Variants in CPEB2 observed in about 807,000 individuals in gnomAD.
CPEB2 encodes cytoplasmic polyadenylation element-binding protein 2.
A neutral mutation model predicts 93.6 loss-of-function variants in CPEB2; 56 were observed. The ratio of observed to expected loss-of-function variants is 0.60; its 90% CI spans 0.48 to 0.75. The LOEUF (loss-of-function observed/expected upper bound fraction) is 0.75, where lower values mean the gene tolerates loss of function less well. CPEB2 is among the 30% of genes least tolerant of loss of function. The pLI, the probability that CPEB2 is intolerant of heterozygous loss-of-function variation, is 0.00. For missense variants in CPEB2, 1,579 were observed against 1,395.1 expected (o/e 1.13, Z -2.10); for synonymous variants, 764 against 586.3 (o/e 1.30, Z -4.38).
At position 15,004,310 on chromosome 4, in the gene CPEB2, A is replaced by C. The variant is rs1234924024; in HGVS notation, c.1637A>C (p.Gln546Pro). The C allele has an allele frequency of 1.3e-6, 2 of 1,487,712 alleles. No homozygotes were observed. Among genetic ancestry groups the C allele is most frequent in the East Asian group, 5.7e-5 (2 of 35,100 alleles). The allele number at this position is 1,487,712 out of a possible 1,614,324, so 92.2% of individuals were successfully genotyped here. A position where few individuals can be genotyped will look rare whatever the true frequency, so the allele number is the denominator to read the frequency against. The change falls in exon 1 of 12, where the codon CAG becomes CCG. Residue 546 changes from glutamine to proline, a missense_variant. Gln to Pro is a moderately conservative substitution (Grantham distance 76). This residue lies in a region of CPEB2 where 1,411 missense variants were observed against 1,056.0 expected (regional missense o/e 1.34). Transcript: ENST00000538197. Reference protein sequence around the residue: ...HQAAAAAFLQQRNSYNHHQPL... With the variant: ...HQAAAAAFLQPRNSYNHHQPL... The stretch of plus-strand genomic sequence containing the variant: ...GCGGCGGCCGCCGCCTTCCTGCAGC[A>C]GAGGAACTCCTATAACCACCACCAG...
At chr4:15,055,626 C>T (rs1048056971) in intron 8 of CPEB2, among the ~76,000 whole-genome samples, 3 of 152,184 alleles carry the variant, frequency 2.0e-5, no homozygotes, top group Non-Finnish European at 4.4e-5. Flanking sequence ...TCACAGCAGT[C>T]TTTGAAAACT....
chr4:15,002,782 A>T lies in CPEB2; in HGVS notation c.109A>T (p.Asn37Tyr). 1 of 1,535,410 alleles carries T rather than the reference A, an allele frequency of 6.5e-7. No homozygotes were observed. The highest frequency in any genetic ancestry group is 8.7e-7 in the Non-Finnish European group (1 of 1,146,642). The change falls in exon 1 of 12, where the codon AAC becomes TAC. Residue 37 changes from asparagine to tyrosine, a missense_variant. Coordinates refer to ENST00000538197, the MANE Select transcript of CPEB2 (RefSeq NM_001177382.2). ...TGGTCCTTACGCCGTGGGGTCCGTC[A>T]ACCCGCTGCCCTCCGCCACGCCCTT... ...AYGPYAVGSV[N>Y]PLPSATPFGP...
chr4:15,035,783 T>C (rs1020109309), intron 5 of CPEB2, among the ~76,000 whole-genome samples: 2 of 152,176 alleles, frequency 1.3e-5, no homozygotes, highest in Admixed American at 1.3e-4. Context: ...GTGATGCTGT[T>C]GCTCCTTGGA....
At chr4:15,012,424 T>A (rs1577371172) in intron 3 of CPEB2, among the ~76,000 whole-genome samples, 1 of 152,214 alleles carries the variant, frequency 6.6e-6, no homozygotes, top group East Asian at 1.9e-4. Flanking sequence ...AAATGTATCT[T>A]CATTCATTCT....
At chr4:15,020,490 C>T (rs1430943558) in intron 4 of CPEB2, among the ~76,000 whole-genome samples, 1 of 152,138 alleles carries the variant, frequency 6.6e-6, no homozygotes, top group African/African-American at 2.4e-5. Flanking sequence ...GAAGCACCTT[C>T]CCTCTTATCC....
At chr4:15,049,274 C>A (rs1349676552) in intron 6 of CPEB2, among the ~76,000 whole-genome samples, 1 of 150,890 alleles carries the variant, frequency 6.6e-6, no homozygotes, top group Non-Finnish European at 1.5e-5. Context: ...TAATATAGAC[C>A]CTAAGTATTT....
chr4:15,017,201 T>G lies in CPEB2; in HGVS notation c.2048T>G (p.Met683Arg). 2 of 1,585,154 alleles carry G rather than the reference T, an allele frequency of 1.3e-6. No homozygotes were observed. The highest frequency in any genetic ancestry group is 1.7e-6 in the Non-Finnish European group (2 of 1,155,654). ...TSRIDQDRSRMYDSLNMHSLE... is the reference protein window; with the variant it reads ...TSRIDQDRSRRYDSLNMHSLE... Reference sequence around the variant, plus strand: ...CTTCTCTTCCAGGATCGAAGTAGAATGTATGACAGTTTGAATATGCACTCT... The same window carrying G: ...CTTCTCTTCCAGGATCGAAGTAGAAGGTATGACAGTTTGAATATGCACTCT... Residue 683 changes from methionine (M) to arginine (R), a missense_variant, in exon 4 of 12, where the codon ATG becomes AGG. By Grantham distance (91) the Met-to-Arg change is moderately conservative. Around this residue, in one of 2 missense-constraint regions of CPEB2, gnomAD observed 1,411 missense variants for 1,056.0 expected, o/e 1.34. Transcript: ENST00000538197.
At chr4:15,014,323 T>TA (rs1162846502) in intron 3 of CPEB2, among the ~76,000 whole-genome samples, 1 of 152,074 alleles carries the variant, frequency 6.6e-6, no homozygotes, top group East Asian at 1.9e-4. Flanking sequence ...AGGAAGATAA[T>TA]AAAGTATTTT....
chr4:15,003,300 C>CCCG lies in CPEB2; in HGVS notation c.639_641dup (p.Pro214dup), dbSNP rs138365074. The stretch of plus-strand genomic sequence containing the variant: ...CGCTCCACTGCCCCGGTCGGTTCAG[C>CCCG]CCGCCGCCGCCGCCAGCCGGCCCGC... On this transcript the variant is annotated inframe_insertion, in exon 1 of 12. Transcript: ENST00000538197. 52,119 of 1,434,624 alleles carry CCCG rather than the reference C, an allele frequency of 0.036. 3,420 individuals are homozygous for CCCG. The highest frequency in any genetic ancestry group is 0.27 in the African/African-American group (17,583 of 65,596). 88.9% of individuals were successfully genotyped at this position (1,434,624 alleles called of 1,614,324 possible).
rs1729842978 is a variant in CPEB2 at position 15,068,215 on chromosome 4, C to A, written c.*1835C>A. ...AAGTGTTGATCTTAATATTGGTTGT[C>A]TGTGGTGTGCTTTTTTGTACTGTAA... On this transcript the variant is annotated 3_prime_UTR_variant, in exon 12 of 12. Coordinates refer to ENST00000538197, the MANE Select transcript of CPEB2 (RefSeq NM_001177382.2). 6.6e-6 allele frequency: 1 copy of A among 152,192 alleles called. No individual in the cohort carries two copies. The highest frequency in any genetic ancestry group is 6.6e-5 in the Admixed American group (1 of 15,206). 9.4% of individuals were successfully genotyped at this position (152,192 alleles called of 1,614,324 possible).
intron 4 of CPEB2, among the ~76,000 whole-genome samples, chr4:15,021,204 C>G (rs1287712154): frequency 6.6e-6 from 1 of 152,056 alleles, no homozygotes; most frequent in African/African-American, 2.4e-5. Context: ...TGGCACTGAC[C>G]CGTCTGCTTT....
intron 3 of CPEB2, among the ~76,000 whole-genome samples, chr4:15,015,189 T>C (rs1026483224): frequency 6.6e-6 from 1 of 152,034 alleles, no homozygotes; most frequent in Non-Finnish European, 1.5e-5. Context: ...CCTACTGAAT[T>C]TGATGTGTTT....
At chr4:15,034,063 A>G (rs1726374502) in intron 5 of CPEB2, among the ~76,000 whole-genome samples, 1 of 152,228 alleles carries the variant, frequency 6.6e-6, no homozygotes, top group Admixed American at 6.5e-5. Context: ...ATATTAAGAC[A>G]GAAGGATGGA....
intron 4 of CPEB2, among the ~76,000 whole-genome samples, chr4:15,021,837 A>G (rs1577392470): frequency 6.6e-6 from 1 of 152,072 alleles, no homozygotes; most frequent in African/African-American, 2.4e-5. Flanking sequence ...CTAAACTCCT[A>G]TTTTTTAAGA....
At chr4:15,064,321 A>C (rs1282919416) in intron 11 of CPEB2, among the ~76,000 whole-genome samples, 1 of 152,134 alleles carries the variant, frequency 6.6e-6, no homozygotes, top group Non-Finnish European at 1.5e-5. Context: ...TAATTATTAG[A>C]GATTATTAAT....
rs1471976694 is a variant in CPEB2 at position 15,002,531 on chromosome 4, C to T, written c.-143C>T. 2.0e-5 allele frequency: 12 copies of T among 603,888 alleles called. No individual in the cohort carries two copies. Among genetic ancestry groups the T allele is most frequent in the South Asian group, 1.8e-4 (6 of 33,176 alleles). 37.4% of individuals were successfully genotyped at this position (603,888 alleles called of 1,614,324 possible). ...CCGCGAGGGGTGGTGGGGCCGAAGT[C>T]GGTGCCCCCTGGCTCAGTCACGGTG... On this transcript the variant is annotated 5_prime_UTR_variant, in exon 1 of 12. Transcript: ENST00000538197.
intron 1 of CPEB2, chr4:15,006,472 A>T (rs1722834308): frequency 6.6e-6 from 1 of 151,750 alleles, no homozygotes; most frequent in Admixed American, 6.6e-5. Context: ...TGGATTTACC[A>T]TTCTTTGATG....
intron 3 of CPEB2, among the ~76,000 whole-genome samples, chr4:15,008,996 A>G (rs1052702150): frequency 2.0e-5 from 3 of 152,226 alleles, no homozygotes; most frequent in African/African-American, 7.2e-5. Flanking sequence ...CCGTTAGTCA[A>G]AAAGCTGGGA....
chr4:15,018,967 TATAC>T (rs1560223635), intron 4 of CPEB2, among the ~76,000 whole-genome samples: 1 of 110,484 alleles, frequency 9.1e-6, no homozygotes, highest in Non-Finnish European at 1.9e-5. Context: ...TATATATATA[TATAC>T]ACACGCACAC....
Sources: gnomAD v4.1 joint callset for allele counts (sites outside exome capture counted in the v4.1 genomes callset) on GRCh38, gnomAD v4.1.1 for gene constraint, gnomAD v4.1.1 regional missense constraint, MANE v1.5 for transcripts, NCBI Gene and HGNC (gene_info 2026-07-23, HGNC 2026-07-21) for gene names.